The following DHRSX variants were observed in gnomAD, a reference collection of about 807,000 sequenced individuals.
DHRSX encodes the protein dehydrogenase/reductase X-linked, also known as polyprenol dehydrogenase.
DHRSX carries 31 observed loss-of-function variants against 34.0 expected under a neutral mutation model. That is an observed-to-expected ratio of 0.91 (90% CI 0.69 to 1.23). DHRSX has a LOEUF of 1.23. Ranked by LOEUF, DHRSX falls within the 50% of genes most tolerant of loss-of-function variation. The probability of loss-of-function intolerance (pLI) is 0.00; values close to 1 mark genes in which losing one functional copy is unlikely to be tolerated. For missense variants in DHRSX, 414 were observed against 428.1 expected (o/e 0.97, Z 0.29); for synonymous variants, 201 against 183.8 (o/e 1.09, Z -0.76).
At chrX:2,254,954 C>G (rs931299194) in intron 5 of DHRSX, among the ~76,000 whole-genome samples, 7 of 143,902 alleles carry the variant, frequency 4.9e-5, no homozygotes, top group Non-Finnish European at 1.1e-4. Flanking sequence ...ACGCCCCCCC[C>G]CTTTTTTTTC....
chrX:2,287,493 A>G (rs1415061667), intron 4 of DHRSX, among the ~76,000 whole-genome samples: 3 of 151,988 alleles, frequency 2.0e-5, no homozygotes, highest in Admixed American at 1.3e-4. Flanking sequence ...TAATGGCCCC[A>G]AAGATGTCCA....
chrX:2,252,393 C>T (rs1317464256), intron 5 of DHRSX, among the ~76,000 whole-genome samples: 1 of 152,138 alleles, frequency 6.6e-6, no homozygotes, highest in East Asian at 1.9e-4. Flanking sequence ...CTCCAATCTC[C>T]TCACCCCAGG....
At chrX:2,414,830 C>A (rs1383697885) in intron 2 of DHRSX, among the ~76,000 whole-genome samples, 1 of 151,884 alleles carries the variant, frequency 6.6e-6, no homozygotes, top group Non-Finnish European at 1.5e-5. Flanking sequence ...CCTACCAGAG[C>A]TCATCATAGC....
intron 1 of DHRSX, among the ~76,000 whole-genome samples, chrX:2,475,655 G>A (rs1273284905): frequency 2.0e-4 from 30 of 149,784 alleles, no homozygotes; most frequent in African/African-American, 5.2e-4. Flanking sequence ...GACTGCCACC[G>A]TGTACACACT....
chrX:2,496,208 GGTTT>G lies in DHRSX; in HGVS notation c.109+4605_109+4608del, dbSNP rs768658387. ...TTTGTTTTTGTTTTTTTGTTTTTTT[GGTTT>G]TTTTGAGACGGAGTCTCGCCCTGTT... On this transcript the variant is annotated intron_variant, in intron 1 of 6. Transcript: ENST00000334651. Among the ~76,000 whole-genome samples, 682 of 151,658 alleles carry G rather than the reference GGTTT, an allele frequency of 4.5e-3. 8 individuals carry two copies. Among genetic ancestry groups the G allele is most frequent in the African/African-American group, 0.015 (623 of 41,404 alleles).
intron 1 of DHRSX, among the ~76,000 whole-genome samples, chrX:2,466,620 G>A (rs1457067344): frequency 1.3e-5 from 2 of 152,060 alleles, no homozygotes; most frequent in Non-Finnish European, 2.9e-5. Flanking sequence ...ACAGCTGCAG[G>A]GGCATGCTGG....
At chrX:2,257,475 G>A (rs1017720088) in intron 5 of DHRSX, among the ~76,000 whole-genome samples, 4 of 152,192 alleles carry the variant, frequency 2.6e-5, no homozygotes, top group African/African-American at 9.7e-5. Flanking sequence ...GGCTCCTACA[G>A]TAATACAGAA....
chrX:2,478,235 A>T (rs2044711444), intron 1 of DHRSX, among the ~76,000 whole-genome samples: 1 of 152,184 alleles, frequency 6.6e-6, no homozygotes, highest in African/African-American at 2.4e-5. Context: ...AGGTGCAGAG[A>T]GGAGCAGGCT....
intron 3 of DHRSX, among the ~76,000 whole-genome samples, chrX:2,330,055 A>C (rs1270919348): frequency 3.2e-5 from 1 of 31,560 alleles, no homozygotes; most frequent in Non-Finnish European, 7.2e-5. Flanking sequence ...AGTGAATGAG[A>C]GAGAAGCAGA....
At chrX:2,303,995 GAATT>G (rs2042056406) in intron 3 of DHRSX, among the ~76,000 whole-genome samples, 1 of 147,746 alleles carries the variant, frequency 6.8e-6, no homozygotes, top group Admixed American at 6.7e-5. Context: ...ATGGATGGAT[GAATT>G]GATGGATGGA....
At chrX:2,327,225 C>A (rs970921218) in intron 3 of DHRSX, among the ~76,000 whole-genome samples, 6 of 152,198 alleles carry the variant, frequency 3.9e-5, no homozygotes, top group African/African-American at 1.4e-4. Flanking sequence ...CAAAATGGAT[C>A]TGACTCCTTC....
chrX:2,421,155 G>A (rs2043774832), intron 2 of DHRSX, among the ~76,000 whole-genome samples: 1 of 152,116 alleles, frequency 6.6e-6, no homozygotes, highest in Non-Finnish European at 1.5e-5. Flanking sequence ...GAGGCAGGCA[G>A]ATCGCTTGAA....
chrX:2,259,565 T>C (rs2041334844), intron 5 of DHRSX, among the ~76,000 whole-genome samples: 1 of 152,016 alleles, frequency 6.6e-6, no homozygotes, highest in Non-Finnish European at 1.5e-5. Flanking sequence ...CCTGGGATTG[T>C]CCAAACAAAT....
At position 2,442,994 on chromosome X, in the gene DHRSX, A is replaced by C. The variant is rs145612868; in HGVS notation, c.110-17690T>G. ...ATCTAGAAGCTGAGTATTACCTTGA[A>C]ATCAAGAGGGAGGCGGAGTTTCTCA... On this transcript the variant is annotated intron_variant, in intron 1 of 6. Transcript: ENST00000334651. Among the ~76,000 whole-genome samples the C allele has an allele frequency of 4.0e-3, 615 of 152,236 alleles. 6 individuals carry two copies. Among genetic ancestry groups the C allele is most frequent in the African/African-American group, 0.014 (581 of 41,548 alleles).
At chrX:2,361,505 TA>T (rs1385727421) in intron 3 of DHRSX, among the ~76,000 whole-genome samples, 1 of 152,202 alleles carries the variant, frequency 6.6e-6, no homozygotes, top group East Asian at 1.9e-4. Flanking sequence ...CAAGGTCTTA[TA>T]AAGACCTAAA....
At chrX:2,362,016 A>T (rs1481570667) in intron 3 of DHRSX, among the ~76,000 whole-genome samples, 6 of 152,214 alleles carry the variant, frequency 3.9e-5, no homozygotes, top group Non-Finnish European at 7.3e-5. Flanking sequence ...TAACACAGTG[A>T]CATTTTCTTG....
intron 3 of DHRSX, among the ~76,000 whole-genome samples, chrX:2,298,604 A>ACG (rs2041965269): frequency 1.3e-4 from 2 of 15,232 alleles, no homozygotes; most frequent in African/African-American, 2.2e-4. Context: ...GCGTGTGTAC[A>ACG]CACACACACA....
chrX:2,232,577 T>A (rs145904323), intron 6 of DHRSX, among the ~76,000 whole-genome samples: 1,534 of 151,936 alleles, frequency 0.01, 30 homozygotes, highest in African/African-American at 0.034. Flanking sequence ...CAGCATTTTT[T>A]TTTATTTTTT....
At chrX:2,424,325 T>C (rs1421118703) in intron 2 of DHRSX, among the ~76,000 whole-genome samples, 2 of 149,976 alleles carry the variant, frequency 1.3e-5, no homozygotes, top group African/African-American at 4.9e-5. Flanking sequence ...GCGCCTGAAA[T>C]GGACTAAGAC....
Sources: gnomAD v4.1 joint callset for allele counts (sites outside exome capture counted in the v4.1 genomes callset) on GRCh38, gnomAD v4.1.1 for gene constraint, MANE v1.5 for transcripts, NCBI Gene and HGNC (gene_info 2026-07-23, HGNC 2026-07-21) for gene names.